Variants in DHX35 observed in about 807,000 individuals in gnomAD.
DHX35 encodes the protein probable ATP-dependent RNA helicase DHX35.
DHX35 carries 84 observed loss-of-function variants against 99.6 expected under a neutral mutation model. The observed-to-expected ratio is 0.84, with a 90% CI of 0.71 to 1.01. The LOEUF (loss-of-function observed/expected upper bound fraction) is 1.01, where lower values mean the gene tolerates loss of function less well. Ranked by LOEUF, DHX35 falls within the 50% of genes least tolerant of loss-of-function variation. DHX35 has a pLI of 0.00. For missense variants in DHX35, 852 were observed against 888.5 expected (o/e 0.96, Z 0.52); for synonymous variants, 331 against 316.2 (o/e 1.05, Z -0.50).
rs138301896 is a variant in DHX35 at position 39,006,326 on chromosome 20, C to G, written c.1192C>G (p.Arg398Gly). Reference protein sequence around the residue: ...NQRAGRGGRSRSGKCYRLYTE... With the variant: ...NQRAGRGGRSGSGKCYRLYTE... ...GCGAGCAGGACGTGGTGGTCGTAGT[C>G]GCTCGGGAAAATGTTATCGCCTTTA... Residue 398 changes from arginine to glycine, a missense_variant, in exon 12 of 22, where the codon CGC becomes GGC. By Grantham distance (125) the Arg-to-Gly change is moderately radical. Coordinates refer to ENST00000252011, the MANE Select transcript of DHX35 (RefSeq NM_021931.4). 2 of 1,613,976 alleles carry G rather than the reference C, an allele frequency of 1.2e-6. No individual in the cohort carries two copies. The highest frequency in any genetic ancestry group is 1.7e-6 in the Non-Finnish European group (2 of 1,180,022).
chr20:38,964,309 T>C (rs2085878463), intron 1 of DHX35, among the ~76,000 whole-genome samples: 1 of 152,200 alleles, frequency 6.6e-6, no homozygotes, highest in Non-Finnish European at 1.5e-5. Flanking sequence ...TGTGATAGTG[T>C]TAAGTGCTAG....
At chr20:39,003,714 C>G (rs778988702) in intron 10 of DHX35, 35 bp from the exon 11 acceptor site, 1 of 1,589,452 alleles carries the variant, frequency 6.3e-7, no homozygotes, top group Admixed American at 1.7e-5. Flanking sequence ...TTAAATTGAT[C>G]TCGGTTTCTT....
At position 38,978,134 on chromosome 20, in the gene DHX35, G is replaced by C. The variant is rs1304766625; in HGVS notation, c.267+5483G>C. 6 of 786,212 alleles carry C rather than the reference G, an allele frequency of 7.6e-6. No individual in the cohort carries two copies. The South Asian group carries it at 8.0e-5, about 10-fold the overall frequency. The allele number at this position is 786,212 out of a possible 1,614,324, so 48.7% of individuals were successfully genotyped here. A position where few individuals can be genotyped will look rare whatever the true frequency, so the allele number is the denominator to read the frequency against. ...CCACACTTCAACTGTAAGACCACCGGTGGTATTATTTCAAAGCCCCTAAGG... is the reference window on the plus strand; with the variant it reads ...CCACACTTCAACTGTAAGACCACCGCTGGTATTATTTCAAAGCCCCTAAGG... On this transcript the variant is annotated intron_variant, in intron 3 of 21. Transcript: ENST00000252011.
intron 1 of DHX35, among the ~76,000 whole-genome samples, chr20:38,968,031 A>G (rs1347476825): frequency 6.6e-6 from 1 of 152,148 alleles, no homozygotes; most frequent in Non-Finnish European, 1.5e-5. Flanking sequence ...GCACCAAGTT[A>G]CTTTCCACTG....
chr20:38,962,500 C>T, intron 1 of DHX35, 93 bp downstream of exon 1: 1 of 1,478,758 alleles, frequency 6.8e-7, no homozygotes, highest in African/African-American at 1.4e-5. Flanking sequence ...GACCTGCTCG[C>T]AGGCCTGACC....
rs184566747 is a variant in DHX35, at chr20:39,003,966, C to T, written c.1011+59C>T. ...GCCGTCTATAATCATAATGATGCTC[C>T]TTTACTTGTTTTGAAACTTGCTAAA... On this transcript the variant is annotated intron_variant, in intron 11 of 21. Coordinates refer to ENST00000252011, the MANE Select transcript of DHX35 (RefSeq NM_021931.4). The T allele has an allele frequency of 6.9e-4, 1,099 of 1,583,780 alleles. 7 individuals are homozygous for T. In the African/African-American group the frequency reaches 0.013, roughly 19 times the overall value.
intron 21 of DHX35, 76 bp downstream of exon 21, chr20:39,034,393 C>T (rs2145951486): frequency 8.2e-7 from 1 of 1,219,834 alleles, no homozygotes; most frequent in East Asian, 2.3e-5. Context: ...TTTTTTTCTC[C>T]AATTTAATGC....
intron 1 of DHX35, among the ~76,000 whole-genome samples, chr20:38,968,584 G>A (rs537859055): frequency 2.0e-3 from 302 of 152,006 alleles, no homozygotes; most frequent in African/African-American, 7.1e-3. Context: ...GTCTTGCTCT[G>A]TCGCCCAGGC....
At chr20:39,025,566 G>T (rs1568758710) in intron 18 of DHX35, among the ~76,000 whole-genome samples, 1 of 152,078 alleles carries the variant, frequency 6.6e-6, no homozygotes, top group Non-Finnish European at 1.5e-5. Flanking sequence ...CTTTCTGATG[G>T]GCATTCTTAC....
At chr20:39,032,939 A>G (rs1277754615) in intron 20 of DHX35, among the ~76,000 whole-genome samples, 2 of 152,188 alleles carry the variant, frequency 1.3e-5, no homozygotes, top group Non-Finnish European at 2.9e-5. Flanking sequence ...TGGTCAGGAT[A>G]CGCACACTCG....
chr20:39,027,613 C>T (rs537634787), intron 18 of DHX35, among the ~76,000 whole-genome samples: 1 of 152,256 alleles, frequency 6.6e-6, no homozygotes, highest in African/African-American at 2.4e-5. Flanking sequence ...AATAGTACCA[C>T]CTTTATGGAA....
chr20:39,011,585 C>A (rs1048535417), intron 13 of DHX35, among the ~76,000 whole-genome samples: 1 of 152,182 alleles, frequency 6.6e-6, no homozygotes, highest in African/African-American at 2.4e-5. Flanking sequence ...GGTGATCCAC[C>A]CCGTCTGGGC....
intron 21 of DHX35, among the ~76,000 whole-genome samples, chr20:39,036,204 C>G (rs919189374): frequency 2.6e-5 from 4 of 152,184 alleles, no homozygotes; most frequent in African/African-American, 9.7e-5. Flanking sequence ...CTCTTGGAAA[C>G]AGAATTAGCC....
At chr20:39,034,827 A>T (rs1481565890) in intron 21 of DHX35, among the ~76,000 whole-genome samples, 1 of 144,958 alleles carries the variant, frequency 6.9e-6, no homozygotes, top group Non-Finnish European at 1.5e-5. Context: ...CATGTTGGCC[A>T]GGCTGGTTAC....
At chr20:39,018,975 C>G (rs1454765848) in intron 15 of DHX35, 76 bp downstream of exon 15, 1 of 1,369,168 alleles carries the variant, frequency 7.3e-7, no homozygotes, top group Non-Finnish European at 1.0e-6. Flanking sequence ...TCTGAGCACC[C>G]TGGGGAAGAG....
At chr20:38,977,972 C>T (rs1477351377) in intron 3 of DHX35, 12 of 654,824 alleles carry the variant, frequency 1.8e-5, no homozygotes, top group Admixed American at 1.4e-4. Context: ...TTCTCTGGAA[C>T]GTTGCTACCA....
chr20:39,003,827 C>G lies in DHX35; in HGVS notation c.931C>G (p.Arg311Gly), dbSNP rs1396485138. ...TCGCACTGGGATGAAGAGACACCTC[C>G]GAGTTCTCCCCATGTATGCAGGACT... is the stretch of plus-strand genomic sequence containing the variant. The part of the protein sequence containing the change: ...LARTGMKRHL[R>G]VLPMYAGLPS... Residue 311 changes from arginine to glycine, a missense_variant, in exon 11 of 22, where the codon CGA becomes GGA. Transcript: ENST00000252011. 1.9e-5 allele frequency: 31 copies of G among 1,614,152 alleles called. No homozygotes were observed. Among genetic ancestry groups the G allele is most frequent in the Non-Finnish European group, 2.6e-5 (31 of 1,180,036 alleles).
intron 3 of DHX35, chr20:38,977,832 C>T: frequency 1.8e-6 from 1 of 554,358 alleles, no homozygotes; most frequent in Admixed American, 2.0e-5. Flanking sequence ...TGAGTCTTTT[C>T]CATTCTGATT....
chr20:38,996,470 C>T (rs2086430982), intron 8 of DHX35, among the ~76,000 whole-genome samples: 2 of 152,154 alleles, frequency 1.3e-5, no homozygotes. Context: ...TGAACTCCAT[C>T]CTGTATCTGG....
Sources: allele counts gnomAD v4.1 joint callset (sites outside exome capture counted in the v4.1 genomes callset), GRCh38; gene constraint gnomAD v4.1.1; transcripts MANE v1.5; gene names NCBI Gene and HGNC (gene_info 2026-07-23, HGNC 2026-07-21).